The following HTR1F variants were observed in gnomAD, a reference collection of about 807,000 sequenced individuals.
HTR1F encodes 5-hydroxytryptamine (serotonin) receptor 1F, G protein-coupled.
Under a neutral mutation model 24.0 loss-of-function variants are expected in HTR1F, and 17 were observed. The ratio of observed to expected loss-of-function variants is 0.71; its 90% confidence interval spans 0.48 to 1.06. HTR1F has a LOEUF of 1.06. Among genes scored for constraint, HTR1F ranks in the 50% least tolerant of loss-of-function variants. The pLI, the probability that HTR1F is intolerant of heterozygous loss-of-function variation, is 0.00. For synonymous variants in HTR1F, 186 were observed against 156.8 expected, an observed-to-expected ratio of 1.19 and a Z score of -1.39; for missense variants, 391 against 427.8, an observed-to-expected ratio of 0.91 and a Z score of 0.76.
intron 2 of HTR1F, among the ~76,000 whole-genome samples, chr3:87,873,173 T>C (rs1249260638): frequency 6.6e-6 from 1 of 151,840 alleles, no homozygotes; most frequent in South Asian, 2.1e-4. Flanking sequence ...TTGGTTCATA[T>C]GCTTATGAGG....
intron 2 of HTR1F, among the ~76,000 whole-genome samples, chr3:87,952,057 T>C (rs1426191007): frequency 1.3e-5 from 2 of 152,020 alleles, no homozygotes; most frequent in Non-Finnish European, 2.9e-5. Context: ...CCACAGTTAA[T>C]CTATTGACCT....
At chr3:87,912,848 C>T (rs1703810155) in intron 2 of HTR1F, among the ~76,000 whole-genome samples, 1 of 152,092 alleles carries the variant, frequency 6.6e-6, no homozygotes, top group South Asian at 2.1e-4. Flanking sequence ...AAAGGACTCC[C>T]TATTCAATAA....
intron 2 of HTR1F, among the ~76,000 whole-genome samples, chr3:87,846,473 T>A (rs12491978): frequency 0.12 from 18,801 of 151,776 alleles, 1,641 homozygotes; most frequent in African/African-American, 0.22. Context: ...AGCGGATAAC[T>A]GAAATAGAAT....
At chr3:87,871,723 G>T (rs1290742345) in intron 2 of HTR1F, among the ~76,000 whole-genome samples, 1 of 152,098 alleles carries the variant, frequency 6.6e-6, no homozygotes, top group Non-Finnish European at 1.5e-5. Context: ...GACTTATTCA[G>T]CAGAAATTCT....
intron 2 of HTR1F, among the ~76,000 whole-genome samples, chr3:87,940,813 T>A (rs1704549930): frequency 6.6e-6 from 1 of 152,178 alleles, no homozygotes; most frequent in Non-Finnish European, 1.5e-5. Flanking sequence ...ACGATTTTAG[T>A]TACTTTCCTC....
intron 2 of HTR1F, among the ~76,000 whole-genome samples, chr3:87,828,756 A>G (rs1171117713): frequency 6.6e-6 from 1 of 152,174 alleles, no homozygotes; most frequent in Non-Finnish European, 1.5e-5. Context: ...ACTAAATACA[A>G]AACATTTTTT....
At chr3:87,921,019 G>C (rs1045379760) in intron 2 of HTR1F, among the ~76,000 whole-genome samples, 1 of 151,614 alleles carries the variant, frequency 6.6e-6, no homozygotes, top group Non-Finnish European at 1.5e-5. Context: ...CTCAATACTT[G>C]GTCTTTAATG....
intron 1 of HTR1F, among the ~76,000 whole-genome samples, 151 bp downstream of exon 1, chr3:87,792,993 T>C (rs556840987): frequency 6.6e-6 from 1 of 152,358 alleles, no homozygotes; most frequent in South Asian, 2.1e-4. Context: ...CCAAGTCCTT[T>C]CCCACACTAC....
Position 87,989,556 on chromosome 3 carries a change from T to G in HTR1F, c.-42-1152T>G, listed in dbSNP as rs79536805. 4.2e-3 allele frequency among the ~76,000 whole-genome samples: 639 copies of G among 152,300 alleles called. 13 individuals are homozygous for G. The East Asian group carries it at 0.067, about 16-fold the overall frequency. ...TGGAATGCTAAGGATATACTAATTT[T>G]TTTTGCTATTTCTCTTTATATAACC... On this transcript the variant is annotated intron_variant, in intron 2 of 2. Coordinates refer to ENST00000319595, the MANE Select transcript of HTR1F (RefSeq NM_001322209.2).
At chr3:87,800,011 C>G (rs1254006323) in intron 1 of HTR1F, among the ~76,000 whole-genome samples, 1 of 152,162 alleles carries the variant, frequency 6.6e-6, no homozygotes, top group Non-Finnish European at 1.5e-5. Flanking sequence ...ATGGGTCTCT[C>G]GAATATACTA....
chr3:87,873,903 A>T (rs541536062), intron 2 of HTR1F, among the ~76,000 whole-genome samples: 1 of 152,302 alleles, frequency 6.6e-6, no homozygotes, highest in East Asian at 1.9e-4. Context: ...AGATACAGAA[A>T]ATGTACATGA....
intron 1 of HTR1F, among the ~76,000 whole-genome samples, chr3:87,804,252 T>A (rs1416376090): frequency 6.6e-6 from 1 of 152,162 alleles, no homozygotes; most frequent in African/African-American, 2.4e-5. Context: ...GTTGAAAAGA[T>A]GAATATATTT....
intron 2 of HTR1F, among the ~76,000 whole-genome samples, chr3:87,904,580 C>T (rs1257604394): frequency 2.6e-5 from 4 of 151,882 alleles, no homozygotes; most frequent in East Asian, 3.9e-4. Flanking sequence ...CAATATGAAA[C>T]TCACAACCCA....
intron 1 of HTR1F, among the ~76,000 whole-genome samples, chr3:87,800,290 C>T (rs1301075375): frequency 6.6e-6 from 1 of 152,164 alleles, no homozygotes; most frequent in Non-Finnish European, 1.5e-5. Flanking sequence ...TACTTTCAGC[C>T]ACCCTTCCTT....
intron 2 of HTR1F, among the ~76,000 whole-genome samples, chr3:87,931,303 G>GT (rs537781529): frequency 0.012 from 1,829 of 152,038 alleles, 17 homozygotes; most frequent in East Asian, 0.026. Context: ...GCGGTGTTTG[G>GT]TTTTTTGTCC....
At chr3:87,971,334 GA>G (rs1189707259) in intron 2 of HTR1F, among the ~76,000 whole-genome samples, 3 of 152,056 alleles carry the variant, frequency 2.0e-5, no homozygotes, top group Non-Finnish European at 2.9e-5. Context: ...TTGAGAGGCC[GA>G]GGCAGGAGGA....
At chr3:87,848,118 G>T (rs1011204956) in intron 2 of HTR1F, among the ~76,000 whole-genome samples, 1 of 151,762 alleles carries the variant, frequency 6.6e-6, no homozygotes, top group Non-Finnish European at 1.5e-5. Context: ...GGCTGTACTA[G>T]TTTACATTCT....
intron 2 of HTR1F, among the ~76,000 whole-genome samples, chr3:87,841,916 AGAAAAAG>A (rs1704815455): frequency 8.6e-6 from 1 of 116,128 alleles, no homozygotes; most frequent in Non-Finnish European, 1.6e-5. Flanking sequence ...AAAAAAAAAA[AGAAAAAG>A]AAAAAAAAAA....
intron 2 of HTR1F, among the ~76,000 whole-genome samples, chr3:87,958,450 T>C (rs947744031): frequency 6.6e-6 from 1 of 151,644 alleles, no homozygotes; most frequent in Non-Finnish European, 1.5e-5. Context: ...ACTCCCCAAG[T>C]AGGGTTGTTA....
Sources: gnomAD v4.1 joint callset for allele counts (sites outside exome capture counted in the v4.1 genomes callset) on GRCh38, gnomAD v4.1.1 for gene constraint, MANE v1.5 for transcripts, NCBI Gene and HGNC (gene_info 2026-07-23, HGNC 2026-07-21) for gene names.